NRIP1: variants seen among roughly 807,000 people sequenced by gnomAD.
The protein encoded by NRIP1 is nuclear receptor interacting protein 1.
Under a neutral mutation model 75.0 loss-of-function variants are expected in NRIP1, and 28 were observed. The observed-to-expected ratio is 0.37, with a 90% confidence interval of 0.28 to 0.51. The LOEUF is 0.51. Ranked by LOEUF, NRIP1 falls within the 20% of genes least tolerant of loss-of-function variation. NRIP1 has a pLI of 0.92. For synonymous variants in NRIP1, 526 were observed against 487.6 expected (o/e 1.08, Z -1.04); for missense variants, 1,435 against 1,343.7 (o/e 1.07, Z -1.06).
In NRIP1 at chr21:14,982,614, T is replaced by C. The variant is rs192131150; in HGVS notation, c.-334-14088A>G. On this transcript the variant is annotated intron_variant, in intron 3 of 3. Coordinates refer to ENST00000318948, the MANE Select transcript of NRIP1 (RefSeq NM_003489.4). ...GTGACTCCACGGCACTCAGTAGATC[T>C]TTCAATCATCTTGCTTACAAAACTG... Among the ~76,000 whole-genome samples, 17 of 152,324 alleles carry C rather than the reference T, an allele frequency of 1.1e-4. No individual in the cohort carries two copies. The East Asian group carries it at 2.9e-3, about 26-fold the overall frequency.
chr21:15,048,478 TA>T (rs2089136206), intron 1 of NRIP1, among the ~76,000 whole-genome samples: 1 of 152,174 alleles, frequency 6.6e-6, no homozygotes, highest in African/African-American at 2.4e-5. Context: ...CCCAAAATCT[TA>T]GTCGACAGAA....
chr21:15,054,496 A>G (rs564124132), intron 1 of NRIP1, among the ~76,000 whole-genome samples: 2 of 152,368 alleles, frequency 1.3e-5, no homozygotes, highest in South Asian at 2.1e-4. Context: ...TATAATGTCA[A>G]TAACAGTCAG....
At position 14,964,626 on chromosome 21, in the gene NRIP1, C is replaced by A. The variant is rs1169793390; in HGVS notation, c.*90G>T. The A allele has an allele frequency of 1.7e-5, 18 of 1,045,418 alleles. No homozygotes were observed. The highest frequency in any genetic ancestry group is 2.3e-5 in the Non-Finnish European group (17 of 742,496). The allele number at this position is 1,045,418 out of a possible 1,614,324, so 64.8% of individuals were successfully genotyped here. A position where few individuals can be genotyped will look rare whatever the true frequency, so the allele number is the denominator to read the frequency against. Reference sequence around the variant, plus strand: ...TGAAAAAAGTTTCAATTATACCATGCTTTTTTTCAAATCATGCTCTTATTT... The same window carrying A: ...TGAAAAAAGTTTCAATTATACCATGATTTTTTTCAAATCATGCTCTTATTT... On this transcript the variant is annotated 3_prime_UTR_variant, in exon 4 of 4. Coordinates refer to ENST00000318948, the MANE Select transcript of NRIP1 (RefSeq NM_003489.4).
At chr21:14,974,464 A>G (rs1482078570) in intron 3 of NRIP1, 1 of 152,258 alleles carries the variant, frequency 6.6e-6, no homozygotes, top group Non-Finnish European at 1.5e-5. Context: ...TTTCATTTTT[A>G]GACTAACAGC....
At chr21:15,019,385 T>A (rs999095108) in intron 2 of NRIP1, among the ~76,000 whole-genome samples, 1 of 141,952 alleles carries the variant, frequency 7.0e-6, no homozygotes, top group Non-Finnish European at 1.5e-5. Context: ...TGCCAATAAC[T>A]CTAAGGACTC....
intron 1 of NRIP1, chr21:15,051,996 C>T (rs950707954): frequency 1.4e-4 from 21 of 152,166 alleles, no homozygotes; most frequent in African/African-American, 4.8e-4. Flanking sequence ...TTAACCCTAT[C>T]TAGTACAAGT....
chr21:15,011,151 A>G (rs1471102567), intron 3 of NRIP1, among the ~76,000 whole-genome samples: 3 of 152,188 alleles, frequency 2.0e-5, no homozygotes, highest in African/African-American at 7.2e-5. Flanking sequence ...CATGTATACA[A>G]TTAGCCTACT....
chr21:15,024,596 G>C (rs865933697), intron 2 of NRIP1, among the ~76,000 whole-genome samples: 69 of 150,518 alleles, frequency 4.6e-4, no homozygotes, highest in African/African-American at 1.6e-3. Flanking sequence ...GTGTGTGTGT[G>C]TCTGTGTGTG....
rs1350951682 is a variant in NRIP1, at chr21:14,967,637, T to C, written c.556A>G (p.Lys186Glu). Residue 186 changes from lysine (K) to glutamate (E), a missense_variant, in exon 4 of 4, where the codon AAA becomes GAA. By Grantham distance (56) the Lys-to-Glu change is moderately conservative. Coordinates refer to ENST00000318948, the MANE Select transcript of NRIP1 (RefSeq NM_003489.4). ...RCYGVASSHL[K>E]TLLKKSKVKD... ...ACTTTACTTTTCTTCAACAAAGTTT[T>C]TAAGTGACTTGATGCAACACCATAG... The C allele has an allele frequency of 1.9e-6, 3 of 1,613,766 alleles. No individual in the cohort carries two copies. The highest frequency in any genetic ancestry group is 2.5e-6 in the Non-Finnish European group (3 of 1,179,978).
At chr21:14,979,501 T>G (rs1259170299) in intron 3 of NRIP1, among the ~76,000 whole-genome samples, 1 of 152,186 alleles carries the variant, frequency 6.6e-6, no homozygotes, top group Non-Finnish European at 1.5e-5. Context: ...CCAGCTGGCT[T>G]TTGATCAAAG....
chr21:15,016,872 G>T lies in NRIP1; in HGVS notation c.-457-2406C>A, dbSNP rs543616249. Among the ~76,000 whole-genome samples, 108 of 151,326 alleles carry T rather than the reference G, an allele frequency of 7.1e-4. 1 individual carries two copies. Among genetic ancestry groups the T allele is most frequent in the Middle Eastern group, 6.8e-3 (2 of 292 alleles). ...TGCACTCCAGCCTGGGCGACAGAGCGAGACTCCGTCAAAGAAAGAAAGAAG... is the reference window on the plus strand; with the variant it reads ...TGCACTCCAGCCTGGGCGACAGAGCTAGACTCCGTCAAAGAAAGAAAGAAG... On this transcript the variant is annotated intron_variant, in intron 2 of 3. Transcript: ENST00000318948.
chr21:15,004,804 G>A (rs1328224634), intron 3 of NRIP1, among the ~76,000 whole-genome samples: 1 of 152,196 alleles, frequency 6.6e-6, no homozygotes, highest in East Asian at 1.9e-4. Flanking sequence ...AGAGGCAGGA[G>A]AAAATTGCTT....
In NRIP1 at chr21:14,965,711, C is replaced by G. The variant is rs1470313751; in HGVS notation, c.2482G>C (p.Asp828His). ...LLSRLLRQNQDSYLADDSDRS... is the reference protein window; with the variant it reads ...LLSRLLRQNQHSYLADDSDRS... ...TCTGAATCATCTGCCAGGTAACTAT[C>G]TTGATTTTGTCTTAGCAATCGACTT... Residue 828 changes from aspartate to histidine, a missense_variant, in exon 4 of 4, where the codon GAT (aspartate) becomes CAT (histidine). By Grantham distance (81) the Asp-to-His change is moderately conservative. Coordinates refer to ENST00000318948, the MANE Select transcript of NRIP1 (RefSeq NM_003489.4). 1 of 1,613,700 alleles carries G rather than the reference C, an allele frequency of 6.2e-7. No individual in the cohort carries two copies. Among genetic ancestry groups the G allele is most frequent in the Non-Finnish European group, 8.5e-7 (1 of 1,179,982 alleles).
Position 14,967,001 on chromosome 21 carries a change from G to C in NRIP1, c.1192C>G (p.His398Asp), listed in dbSNP as rs759110572. ...TIPKPMNGHS[H>D]SERGSIFEES... ...TCAAAAATGCTTCCTCTCTCACTGT[G>C]ACTGTGTCCATTCATTGGCTTAGGT... is the stretch of plus-strand genomic sequence containing the variant. The change falls in exon 4 of 4, where the codon CAC becomes GAC. Residue 398 changes from histidine to aspartate, a missense_variant. Transcript: ENST00000318948. 2 of 1,614,130 alleles carry C rather than the reference G, an allele frequency of 1.2e-6. No homozygotes were observed. Among genetic ancestry groups the C allele is most frequent in the Non-Finnish European group, 1.7e-6 (2 of 1,179,984 alleles).
At chr21:15,017,594 G>T (rs2088266882) in intron 2 of NRIP1, among the ~76,000 whole-genome samples, 1 of 152,102 alleles carries the variant, frequency 6.6e-6, no homozygotes, top group African/African-American at 2.4e-5. Context: ...GAGGAAACTG[G>T]GTTTAAGTTA....
At chr21:15,012,075 G>T (rs1260750854) in intron 3 of NRIP1, among the ~76,000 whole-genome samples, 1 of 152,074 alleles carries the variant, frequency 6.6e-6, no homozygotes, top group Admixed American at 6.5e-5. Context: ...TGAGTGTTTT[G>T]CAGGGTAAGA....
At chr21:14,986,477 C>A (rs1042376757) in intron 3 of NRIP1, among the ~76,000 whole-genome samples, 19 of 152,162 alleles carry the variant, frequency 1.2e-4, no homozygotes, top group African/African-American at 4.6e-4. Context: ...TGACCTCTTT[C>A]AAAGAGTTTC....
chr21:14,972,982 C>T (rs1407976131), intron 3 of NRIP1, among the ~76,000 whole-genome samples: 3 of 152,158 alleles, frequency 2.0e-5, no homozygotes, highest in African/African-American at 7.2e-5. Flanking sequence ...ACCCCTGCTT[C>T]AGAGAATTGC....
intron 3 of NRIP1, among the ~76,000 whole-genome samples, chr21:14,994,592 T>G (rs184125259): frequency 2.6e-5 from 4 of 152,296 alleles, no homozygotes; most frequent in Admixed American, 2.6e-4. Context: ...AAATTTTCAT[T>G]GGAATTTCAA....
Sources: gnomAD v4.1 joint callset for allele counts (sites outside exome capture counted in the v4.1 genomes callset) on GRCh38, gnomAD v4.1.1 for gene constraint, MANE v1.5 for transcripts, NCBI Gene and HGNC (gene_info 2026-07-23, HGNC 2026-07-21) for gene names.